The following RARB variants were observed in gnomAD, a reference collection of about 807,000 sequenced individuals.
RARB encodes the protein HBV-activated protein.
A neutral mutation model predicts 51.9 loss-of-function variants in RARB; 17 were observed. The observed-to-expected ratio is 0.33, with a 90% CI of 0.22 to 0.49. The LOEUF is 0.49. RARB is among the 20% of genes least tolerant of loss of function. The pLI is 0.99. For synonymous variants in RARB, 215 were observed against 195.4 expected (o/e 1.10, Z -0.84); for missense variants, 369 against 550.8 (o/e 0.67, Z 3.30).
intron 1 of RARB, among the ~76,000 whole-genome samples, chr3:24,853,195 T>A (rs138758299): frequency 6.7e-6 from 1 of 149,944 alleles, no homozygotes; most frequent in Admixed American, 6.6e-5. Context: ...CAGGCACCTG[T>A]AGTCCCAGCT....
intron 2 of RARB, among the ~76,000 whole-genome samples, chr3:25,013,341 C>T (rs1452480467): frequency 1.3e-5 from 2 of 152,094 alleles, no homozygotes; most frequent in African/African-American, 4.8e-5. Context: ...ATGCATTTGG[C>T]CCTATATTCC....
intron 5 of RARB, among the ~76,000 whole-genome samples, chr3:25,210,553 T>TTTTTTTTTTTTTTTCTTTTTTTGA (rs869216441): frequency 1.2e-5 from 1 of 82,498 alleles, no homozygotes. Context: ...TTTTTTTTTT[T>TTTTTTTTTTTTTTTCTTTTTTTGA]GAGATTGAGT....
intron 3 of RARB, among the ~76,000 whole-genome samples, chr3:25,075,300 A>T (rs1698850553): frequency 6.6e-6 from 1 of 152,154 alleles, no homozygotes; most frequent in Admixed American, 6.5e-5. Flanking sequence ...TTCTCAGTTA[A>T]TAAAAATTGT....
chr3:24,840,985 G>C (rs1487142837), intron 1 of RARB, among the ~76,000 whole-genome samples: 1 of 152,182 alleles, frequency 6.6e-6, no homozygotes, highest in Non-Finnish European at 1.5e-5. Flanking sequence ...CACATGCAAT[G>C]AGGGGTTTTG....
At chr3:24,885,712 T>C (rs10510551) in intron 2 of RARB, among the ~76,000 whole-genome samples, 52,038 of 151,992 alleles carry the variant, frequency 0.34, 11,100 homozygotes, top group Non-Finnish European at 0.46. Context: ...AACTAGAGTA[T>C]AGATTGGAGA....
intron 3 of RARB, among the ~76,000 whole-genome samples, chr3:25,116,657 G>A (rs553543311): frequency 6.6e-6 from 1 of 152,086 alleles, no homozygotes; most frequent in South Asian, 2.1e-4. Context: ...AAGAGGATGT[G>A]AAGCTACCAT....
chr3:25,311,591 C>T (rs1704291051), intron 5 of RARB, among the ~76,000 whole-genome samples: 1 of 152,212 alleles, frequency 6.6e-6, no homozygotes, highest in Non-Finnish European at 1.5e-5. Context: ...AGTGCCAGGT[C>T]AGTATTCACA....
chr3:24,959,147 G>A (rs996645611), intron 2 of RARB, among the ~76,000 whole-genome samples: 2 of 152,206 alleles, frequency 1.3e-5, no homozygotes, highest in African/African-American at 4.8e-5. Context: ...CAGCTGAGTG[G>A]GCCCTCTGCC....
At chr3:25,390,772 G>A (rs1401544886) in intron 5 of RARB, among the ~76,000 whole-genome samples, 1 of 152,066 alleles carries the variant, frequency 6.6e-6, no homozygotes, top group Admixed American at 6.6e-5. Context: ...CTTTCAACCT[G>A]CTTGCTTCCA....
At chr3:25,326,363 G>A (rs1704716738) in intron 5 of RARB, among the ~76,000 whole-genome samples, 4 of 152,142 alleles carry the variant, frequency 2.6e-5, no homozygotes. Flanking sequence ...TTTCCTGAAG[G>A]TTGCATGTGG....
intron 3 of RARB, among the ~76,000 whole-genome samples, chr3:25,100,689 G>T (rs975842507): frequency 2.0e-5 from 3 of 152,144 alleles, no homozygotes; most frequent in Non-Finnish European, 2.9e-5. Flanking sequence ...TGTAACACTA[G>T]GCAAGTGGGA....
chr3:25,316,483 T>G (rs995245133), intron 5 of RARB, among the ~76,000 whole-genome samples: 3 of 152,100 alleles, frequency 2.0e-5, no homozygotes, highest in African/African-American at 7.2e-5. Context: ...TTTATTTAAT[T>G]TGGAAAAGCA....
At chr3:25,286,339 T>C (rs144802097) in intron 5 of RARB, among the ~76,000 whole-genome samples, 5,389 of 152,182 alleles carry the variant, frequency 0.035, 240 homozygotes, top group African/African-American at 0.098. Flanking sequence ...CCACCCGCCT[T>C]GGCCTCCCAA....
intron 3 of RARB, among the ~76,000 whole-genome samples, chr3:25,515,642 A>G (rs1398442335): frequency 6.6e-6 from 1 of 152,250 alleles, no homozygotes; most frequent in Non-Finnish European, 1.5e-5. Context: ...CATTGAGTGA[A>G]AGAACTTAGA....
chr3:25,106,900 A>AT (rs35311413), intron 3 of RARB, among the ~76,000 whole-genome samples: 79,195 of 150,108 alleles, frequency 0.53, 21,817 homozygotes, highest in East Asian at 0.83. Flanking sequence ...TTCCTTCTGC[A>AT]TTTTTTTTTG....
chr3:24,886,720 C>T (rs1006340940), intron 2 of RARB, among the ~76,000 whole-genome samples: 1 of 151,988 alleles, frequency 6.6e-6, no homozygotes, highest in African/African-American at 2.4e-5. Flanking sequence ...ACAAGCATGA[C>T]CCACCGCGCC....
chr3:25,471,598 G>GT (rs34752259), intron 2 of RARB, among the ~76,000 whole-genome samples: 67,119 of 141,876 alleles, frequency 0.47, 19,023 homozygotes, highest in Non-Finnish European at 0.64. Flanking sequence ...AACTCTGCGT[G>GT]TTTTTTTTTT....
At chr3:25,070,131 A>G (rs979333681) in intron 3 of RARB, among the ~76,000 whole-genome samples, 1 of 152,034 alleles carries the variant, frequency 6.6e-6, no homozygotes, top group East Asian at 1.9e-4. Context: ...TTGCAACTCT[A>G]TTACTCCAAT....
At chr3:25,207,691 T>G (rs1304549157) in intron 5 of RARB, among the ~76,000 whole-genome samples, 1 of 152,198 alleles carries the variant, frequency 6.6e-6, no homozygotes, top group African/African-American at 2.4e-5. Flanking sequence ...TTTGTGCTGT[T>G]CCCTAACATA....
Sources: allele counts gnomAD v4.1 joint callset (sites outside exome capture counted in the v4.1 genomes callset), GRCh38; gene constraint gnomAD v4.1.1; transcripts MANE v1.5; gene names NCBI Gene and HGNC (gene_info 2026-07-23, HGNC 2026-07-21).